The following DNAJC10 variants were observed in gnomAD, a reference collection of about 807,000 sequenced individuals.
DNAJC10 encodes the protein DnaJ heat shock protein family (Hsp40) member C10.
In DNAJC10, 101 loss-of-function variants were observed where a neutral mutation model predicts 115.0. The ratio of observed to expected loss-of-function variants is 0.88; its 90% CI spans 0.75 to 1.04. DNAJC10 has a LOEUF of 1.04. Ranked by LOEUF, DNAJC10 falls within the 50% of genes least tolerant of loss-of-function variation. The pLI is 0.00. For synonymous variants in DNAJC10, 307 were observed against 301.5 expected, an observed-to-expected ratio of 1.02 and a Z score of -0.19; for missense variants, 981 against 928.8, an observed-to-expected ratio of 1.06 and a Z score of -0.73.
rs921343847 is a variant in DNAJC10, at chr2:182,782,275, C to T, written c.*5143C>T. ...TGGTTGTAGAAGTGTGGCGTTATTT[C>T]TGAGGGCTGTGTTCTGTTCCATTGG... On this transcript the variant is annotated 3_prime_UTR_variant, in exon 24 of 24. Transcript: ENST00000264065. 1 of 152,150 alleles carries T rather than the reference C, an allele frequency of 6.6e-6. No homozygotes were observed. Among genetic ancestry groups the T allele is most frequent in the Non-Finnish European group, 1.5e-5 (1 of 68,068 alleles). 9.4% of individuals were successfully genotyped at this position (152,150 alleles called of 1,614,324 possible).
chr2:182,788,913 G>C lies in DNAJC10; in HGVS notation c.*11781G>C, dbSNP rs1050243398. 2.8e-5 allele frequency: 12 copies of C among 425,690 alleles called. No homozygotes were observed. The highest frequency in any genetic ancestry group is 5.1e-5 in the Non-Finnish European group (11 of 217,222). 26.4% of individuals were successfully genotyped at this position (425,690 alleles called of 1,614,324 possible). ...GATTCCTTTTAGAGTTTTTTAAATT[G>C]TGATAAAGTACATGTAACAAAATTT... On this transcript the variant is annotated 3_prime_UTR_variant, in exon 24 of 24. Coordinates refer to ENST00000264065, the MANE Select transcript of DNAJC10 (RefSeq NM_018981.4).
chr2:182,739,852 CTT>C, intron 11 of DNAJC10: 1 of 990,374 alleles, frequency 1.0e-6, no homozygotes, highest in African/African-American at 1.7e-5. Context: ...AATGAAGTGT[CTT>C]TGATAGTCTA....
intron 5 of DNAJC10, among the ~76,000 whole-genome samples, chr2:182,728,348 A>G (rs918964908): frequency 1.3e-5 from 2 of 152,072 alleles, no homozygotes; most frequent in African/African-American, 2.4e-5. Flanking sequence ...TTAAAAAGCT[A>G]TTGTTGGTTT....
At chr2:182,774,048 A>C (rs1234454845) in intron 22 of DNAJC10, among the ~76,000 whole-genome samples, 2 of 152,042 alleles carry the variant, frequency 1.3e-5, no homozygotes, top group African/African-American at 4.8e-5. Context: ...TGCTGATGCT[A>C]TTCCTTTCTG....
At position 182,787,974 on chromosome 2, in the gene DNAJC10, TA is replaced by T. The variant is rs2105728182; in HGVS notation, c.*10844del. On this transcript the variant is annotated 3_prime_UTR_variant, in exon 24 of 24. Coordinates refer to ENST00000264065, the MANE Select transcript of DNAJC10 (RefSeq NM_018981.4). ...GGAATTAGGTGTCTCTAAATTGAAGTAATGCTCACATAGAAAAATTAAGGCA... is the reference window on the plus strand; with the variant it reads ...GGAATTAGGTGTCTCTAAATTGAAGTATGCTCACATAGAAAAATTAAGGCA... 6.6e-6 allele frequency: 1 copy of T among 152,156 alleles called. No homozygotes were observed. The highest frequency in any genetic ancestry group is 1.9e-4 in the East Asian group (1 of 5,182). 9.4% of individuals were successfully genotyped at this position (152,156 alleles called of 1,614,324 possible).
rs150183982 is a variant in DNAJC10 at position 182,790,190 on chromosome 2, A to G, written c.*13058A>G. 8 of 152,316 alleles carry G rather than the reference A, an allele frequency of 5.3e-5. No homozygotes were observed. The East Asian group carries it at 1.3e-3, about 26-fold the overall frequency. The allele number at this position is 152,316 out of a possible 1,614,324, so 9.4% of individuals were successfully genotyped here. ...ATAAGAAAAAGCTTTATTTAGTCCT[A>G]TATTATTCTCTGATTATTCCATATG... On this transcript the variant is annotated 3_prime_UTR_variant, in exon 24 of 24. Transcript: ENST00000264065.
intron 14 of DNAJC10, among the ~76,000 whole-genome samples, chr2:182,748,030 A>G (rs1230483974): frequency 6.8e-6 from 1 of 146,296 alleles, no homozygotes; most frequent in East Asian, 2.0e-4. Context: ...GCTGGATTAC[A>G]TTTATTGATT....
intron 17 of DNAJC10, among the ~76,000 whole-genome samples, chr2:182,755,443 T>A (rs924388723): frequency 1.1e-4 from 17 of 151,666 alleles, no homozygotes; most frequent in African/African-American, 4.1e-4. Context: ...CATCTTTTTT[T>A]TTTTTTTTCT....
At chr2:182,743,801 G>A (rs112020259) in intron 14 of DNAJC10, 89 bp downstream of exon 14, 10,746 of 856,654 alleles carry the variant, frequency 0.013, 134 homozygotes, top group South Asian at 0.027. Context: ...TATTTTTTAC[G>A]GACATGCTTA....
rs998392023 is a variant in DNAJC10 at position 182,794,328 on chromosome 2, T to C, written c.*17196T>C. On this transcript the variant is annotated 3_prime_UTR_variant, in exon 24 of 24. Transcript: ENST00000264065. Reference sequence around the variant, plus strand: ...ATAGAAATAATCCATTCAGATTCTCTCCTTTGCATGATGACCACATTAAAC... The same window carrying C: ...ATAGAAATAATCCATTCAGATTCTCCCCTTTGCATGATGACCACATTAAAC... The C allele has an allele frequency of 3.3e-5, 5 of 152,166 alleles. No homozygotes were observed. The highest frequency in any genetic ancestry group is 7.2e-5 in the African/African-American group (3 of 41,446). 9.4% of individuals were successfully genotyped at this position (152,166 alleles called of 1,614,324 possible).
chr2:182,721,621 C>G (rs1693151668), intron 4 of DNAJC10, among the ~76,000 whole-genome samples: 1 of 152,090 alleles, frequency 6.6e-6, no homozygotes, highest in African/African-American at 2.4e-5. Context: ...TCTCAATTTC[C>G]TGGTTTTCGA....
intron 11 of DNAJC10, among the ~76,000 whole-genome samples, chr2:182,737,245 G>A (rs781372341): frequency 1.3e-5 from 2 of 152,164 alleles, no homozygotes. Flanking sequence ...TAAATAGTGG[G>A]ATATTGGATG....
At chr2:182,723,845 A>G (rs1031203533) in intron 5 of DNAJC10, among the ~76,000 whole-genome samples, 2 of 152,224 alleles carry the variant, frequency 1.3e-5, no homozygotes, top group African/African-American at 4.8e-5. Flanking sequence ...TAGAACCCCA[A>G]ATGGTAGTTC....
At chr2:182,753,404 C>T (rs1373217097) in intron 16 of DNAJC10, among the ~76,000 whole-genome samples, 2 of 151,918 alleles carry the variant, frequency 1.3e-5, no homozygotes, top group East Asian at 1.9e-4. Flanking sequence ...AAGTTTAAGC[C>T]AGCAGCAATG....
Position 182,794,295 on chromosome 2 carries a change from G to A in DNAJC10, c.*17163G>A, listed in dbSNP as rs1695104713. ...AAATTTGAGTACATAGGAAACAATA[G>A]ATGAAGGATAGAAATAATCCATTCA... On this transcript the variant is annotated 3_prime_UTR_variant, in exon 24 of 24. Coordinates refer to ENST00000264065, the MANE Select transcript of DNAJC10 (RefSeq NM_018981.4). The A allele has an allele frequency of 6.6e-6, 1 of 152,198 alleles. No homozygotes were observed. Among genetic ancestry groups the A allele is most frequent in the East Asian group, 1.9e-4 (1 of 5,200 alleles). The allele number at this position is 152,198 out of a possible 1,614,324, so 9.4% of individuals were successfully genotyped here.
chr2:182,766,798 C>A (rs1694423857), intron 22 of DNAJC10, among the ~76,000 whole-genome samples: 1 of 152,016 alleles, frequency 6.6e-6, no homozygotes, highest in Admixed American at 6.6e-5. Flanking sequence ...TGTTCGCTGA[C>A]CGGGGGTATA....
At chr2:182,722,340 G>T (rs182760895) in intron 5 of DNAJC10, among the ~76,000 whole-genome samples, 2 of 152,294 alleles carry the variant, frequency 1.3e-5, no homozygotes, top group East Asian at 3.9e-4. Flanking sequence ...TGGATGCCAA[G>T]TGAGCTTGCT....
At chr2:182,716,846 G>T (rs1693006403) in intron 1 of DNAJC10, among the ~76,000 whole-genome samples, 170 bp from the exon 2 acceptor site, 1 of 152,296 alleles carries the variant, frequency 6.6e-6, no homozygotes. Context: ...GCTTCCACCT[G>T]CCCGGTAGCT....
intron 1 of DNAJC10, among the ~76,000 whole-genome samples, 154 bp downstream of exon 1, chr2:182,716,637 CCT>C (rs1207341426): frequency 6.6e-6 from 1 of 152,216 alleles, no homozygotes; most frequent in African/African-American, 2.4e-5. Context: ...CTTCCTCCTC[CCT>C]GTTATTCACA....
Sources: gnomAD v4.1 joint callset for allele counts (sites outside exome capture counted in the v4.1 genomes callset) on GRCh38, gnomAD v4.1.1 for gene constraint, MANE v1.5 for transcripts, NCBI Gene and HGNC (gene_info 2026-07-23, HGNC 2026-07-21) for gene names.